The following KCNH1 variants were observed in gnomAD, a reference collection of about 807,000 sequenced individuals.
KCNH1 encodes voltage-gated delayed rectifier potassium channel KCNH1.
KCNH1 carries 27 observed loss-of-function variants against 69.2 expected under a neutral mutation model. The observed-to-expected ratio is 0.39, with a 90% CI of 0.29 to 0.54. KCNH1 has a LOEUF of 0.54. Among genes scored for constraint, KCNH1 ranks in the 20% least tolerant of loss-of-function variants. KCNH1 has a pLI of 0.68. For missense variants in KCNH1, 798 were observed against 1,261.6 expected, an observed-to-expected ratio of 0.63 and a Z score of 5.57; for synonymous variants, 456 against 487.7, an observed-to-expected ratio of 0.93 and a Z score of 0.86.
chr1:210,915,601 T>G (rs1000131334), intron 7 of KCNH1, among the ~76,000 whole-genome samples: 3 of 152,076 alleles, frequency 2.0e-5, no homozygotes, highest in Non-Finnish European at 4.4e-5. Flanking sequence ...GACCCCAGAA[T>G]GGAAATTAGA....
chr1:211,037,619 C>T (rs1358183653), intron 5 of KCNH1, among the ~76,000 whole-genome samples: 1 of 151,720 alleles, frequency 6.6e-6, no homozygotes, highest in Non-Finnish European at 1.5e-5. Context: ...GTCAAAGGCA[C>T]CATCTCCCAC....
chr1:210,925,986 C>T (rs1279322113), intron 6 of KCNH1, among the ~76,000 whole-genome samples: 1 of 152,224 alleles, frequency 6.6e-6, no homozygotes, highest in African/African-American at 2.4e-5. Context: ...TCAATGAAAA[C>T]ACAACCTCAC....
rs576083489 is a variant in KCNH1 at position 210,941,869 on chromosome 1, T to C, written c.1033-21800A>G. Among the ~76,000 whole-genome samples the C allele has an allele frequency of 6.6e-5, 10 of 152,288 alleles. No individual in the cohort carries two copies. In the South Asian group the frequency reaches 2.1e-3, roughly 32 times the overall value. On this transcript the variant is annotated intron_variant, in intron 6 of 10. Coordinates refer to ENST00000271751, the MANE Select transcript of KCNH1 (RefSeq NM_172362.3). ...ATCAGTATTTTGCCTTTATACTGTT[T>C]ATGGTTTTGACTCTGTCCTATCTTC...
At chr1:210,869,502 TGTGTGTG>T (rs1686190348) in intron 7 of KCNH1, among the ~76,000 whole-genome samples, 1 of 144,094 alleles carries the variant, frequency 6.9e-6, no homozygotes, top group African/African-American at 2.9e-5. Context: ...TGTGTGTGTG[TGTGTGTG>T]TGTGTGTGTG....
At chr1:210,998,709 A>G (rs1174952127) in intron 6 of KCNH1, among the ~76,000 whole-genome samples, 2 of 152,192 alleles carry the variant, frequency 1.3e-5, no homozygotes, top group South Asian at 2.1e-4. Context: ...CAGAATATAC[A>G]TTCTTTTCAG....
At position 211,133,329 on chromosome 1, in the gene KCNH1, C is replaced by G. The variant is rs1691911348; in HGVS notation, c.79+538G>C. 6.6e-6 allele frequency: 1 copy of G among 152,226 alleles called. No individual in the cohort carries two copies. The highest frequency in any genetic ancestry group is 2.4e-5 in the African/African-American group (1 of 41,442). 9.4% of individuals were successfully genotyped at this position (152,226 alleles called of 1,614,324 possible). On this transcript the variant is annotated intron_variant, in intron 1 of 10. Coordinates refer to ENST00000271751, the MANE Select transcript of KCNH1 (RefSeq NM_172362.3). The surrounding 1 kb of genome is among the most constrained non-coding windows in gnomAD (Gnocchi z 5.4). ...GGGTGAAGGGGTGGAATCAGGCCGC[C>G]GAGAGCACGTCCCGACACCTCGGAC...
At chr1:211,012,837 T>C (rs1324672824) in intron 6 of KCNH1, among the ~76,000 whole-genome samples, 3 of 152,164 alleles carry the variant, frequency 2.0e-5, no homozygotes, top group African/African-American at 7.2e-5. Context: ...ATGACAAGTA[T>C]ACCACAGTAA....
intron 5 of KCNH1, among the ~76,000 whole-genome samples, chr1:211,065,357 T>C (rs1020814797): frequency 2.6e-5 from 4 of 152,080 alleles, no homozygotes; most frequent in Admixed American, 6.6e-5. Context: ...CTGGAGGACA[T>C]TGTGTTAAGT....
At chr1:210,791,140 A>G (rs1313503173) in intron 9 of KCNH1, among the ~76,000 whole-genome samples, 1 of 152,220 alleles carries the variant, frequency 6.6e-6, no homozygotes, top group Non-Finnish European at 1.5e-5. Flanking sequence ...ACCATGTGGT[A>G]TGTCAAAAAA....
At chr1:211,100,002 A>T (rs1264343637) in intron 3 of KCNH1, among the ~76,000 whole-genome samples, 1 of 152,014 alleles carries the variant, frequency 6.6e-6, no homozygotes, top group African/African-American at 2.4e-5. Flanking sequence ...GCTCTATTCC[A>T]TCTCCACGCT....
chr1:210,804,057 C>A lies in KCNH1; in HGVS notation c.1572G>T (p.Lys524Asn). ...EMLNSVRDFLKLYQVPKGLSE... is the reference protein window; with the variant it reads ...EMLNSVRDFLNLYQVPKGLSE... The stretch of plus-strand genomic sequence containing the variant: ...TCAATCCTTTTGGCACCTGGTAGAG[C>A]TTCAGGAAGTCCCGAACACTGTTGA... The change falls in exon 8 of 11, where the codon AAG becomes AAT. Residue 524 changes from lysine (K) to asparagine (N), a missense_variant. Coordinates refer to ENST00000271751, the MANE Select transcript of KCNH1 (RefSeq NM_172362.3). The A allele has an allele frequency of 6.2e-7, 1 of 1,614,196 alleles. No individual in the cohort carries two copies. Among genetic ancestry groups the A allele is most frequent in the Admixed American group, 1.7e-5 (1 of 60,028 alleles).
At chr1:211,119,781 A>G (rs1167671840) in intron 1 of KCNH1, among the ~76,000 whole-genome samples, 1 of 152,234 alleles carries the variant, frequency 6.6e-6, no homozygotes, top group African/African-American at 2.4e-5. Context: ...CAAGAGATTC[A>G]ATAGTTATTT....
chr1:210,827,207 G>A (rs1390964241), intron 7 of KCNH1, among the ~76,000 whole-genome samples: 1 of 152,048 alleles, frequency 6.6e-6, no homozygotes, highest in Non-Finnish European at 1.5e-5. Context: ...GTGGTGGCGG[G>A]TGCCTGTAAT....
At chr1:210,847,123 CT>C (rs1685575337) in intron 7 of KCNH1, among the ~76,000 whole-genome samples, 1 of 152,204 alleles carries the variant, frequency 6.6e-6, no homozygotes, top group Non-Finnish European at 1.5e-5. Context: ...CACTTTTACA[CT>C]TTTGGTGGGA....
At chr1:210,957,382 T>C (rs1226721723) in intron 6 of KCNH1, among the ~76,000 whole-genome samples, 1 of 152,228 alleles carries the variant, frequency 6.6e-6, no homozygotes, top group East Asian at 1.9e-4. Flanking sequence ...GAGAAGAATG[T>C]ATATTCTGTT....
intron 1 of KCNH1, among the ~76,000 whole-genome samples, chr1:211,116,185 T>C (rs1321342229): frequency 6.6e-6 from 1 of 152,036 alleles, no homozygotes; most frequent in Non-Finnish European, 1.5e-5. Context: ...AGAAAAAATA[T>C]CCTAAAATTT....
At chr1:210,707,073 G>A (rs116564165) in intron 10 of KCNH1, among the ~76,000 whole-genome samples, 4,247 of 151,176 alleles carry the variant, frequency 0.028, 121 homozygotes, top group African/African-American at 0.075. Context: ...GTGTGCGCGC[G>A]CACGTGTATG....
chr1:211,078,938 G>GAAAA (rs1690792884), intron 5 of KCNH1, among the ~76,000 whole-genome samples: 4 of 124,224 alleles, frequency 3.2e-5, no homozygotes, highest in African/African-American at 1.2e-4. Flanking sequence ...AAAAAAAAAA[G>GAAAA]AAAGAAAGAA....
In KCNH1 at chr1:210,950,726, T is replaced by C. The variant is rs1037201721; in HGVS notation, c.1033-30657A>G. On this transcript the variant is annotated intron_variant, in intron 6 of 10. Coordinates refer to ENST00000271751, the MANE Select transcript of KCNH1 (RefSeq NM_172362.3). ...GTGTCCAATTACCACCGGCCACTTA[T>C]TGGGACTATTAACTCATGTGACAGA... 2.0e-5 allele frequency among the ~76,000 whole-genome samples: 3 copies of C among 152,158 alleles called. No homozygotes were observed. In the East Asian group the frequency reaches 5.8e-4, roughly 29 times the overall value.
Sources: allele counts gnomAD v4.1 joint callset (sites outside exome capture counted in the v4.1 genomes callset), GRCh38; gene constraint gnomAD v4.1.1; non-coding constraint Gnocchi (gnomAD v3.1); transcripts MANE v1.5; gene names NCBI Gene and HGNC (gene_info 2026-07-23, HGNC 2026-07-21).